Variants in MYO1H observed in about 807,000 individuals in gnomAD.
MYO1H encodes the protein unconventional myosin-Ih.
In MYO1H, 118 loss-of-function variants were observed where a neutral mutation model predicts 149.3. That is an observed-to-expected ratio of 0.79 (90% CI 0.68 to 0.92). The LOEUF (loss-of-function observed/expected upper bound fraction) is 0.92, where lower values mean the gene tolerates loss of function less well. Ranked by LOEUF, MYO1H falls within the 40% of genes least tolerant of loss-of-function variation. The probability of loss-of-function intolerance (pLI) is 0.00; values close to 1 mark genes in which losing one functional copy is unlikely to be tolerated. For synonymous variants in MYO1H, 447 were observed against 465.2 expected, an observed-to-expected ratio of 0.96 and a Z score of 0.50; for missense variants, 1,212 against 1,280.7, an observed-to-expected ratio of 0.95 and a Z score of 0.82.
intron 1 of MYO1H, among the ~76,000 whole-genome samples, chr12:109,367,029 C>A (rs1162983203): frequency 2.0e-4 from 30 of 152,198 alleles, no homozygotes; most frequent in Admixed American, 2.0e-3. Context: ...TCATGTATTT[C>A]TTGTCCCAAG....
intron 16 of MYO1H, among the ~76,000 whole-genome samples, chr12:109,421,694 C>A (rs1378843074): frequency 1.3e-5 from 2 of 152,104 alleles, no homozygotes; most frequent in African/African-American, 2.4e-5. Context: ...GAGACCCAGA[C>A]AGGTCACAGC....
At chr12:109,379,384 G>A (rs919790824) in intron 1 of MYO1H, among the ~76,000 whole-genome samples, 4 of 152,144 alleles carry the variant, frequency 2.6e-5, no homozygotes, top group East Asian at 3.9e-4. Context: ...TGGGTGCAAC[G>A]GTCTACATGT....
At position 109,414,742 on chromosome 12, in the gene MYO1H, C is replaced by T. The variant is rs1213822663; in HGVS notation, c.1503-784C>T. Among the ~76,000 whole-genome samples the T allele has an allele frequency of 2.0e-5, 3 of 152,198 alleles. No individual in the cohort carries two copies. In the East Asian group the frequency reaches 5.8e-4, roughly 29 times the overall value. On this transcript the variant is annotated intron_variant, in intron 14 of 31. Transcript: ENST00000310903. ...TTATTTTTTGAGACAAGGTCTCACT[C>T]TGTTGCACAGGCTGGAGTCTAGTGG...
rs1756742233 is a variant in MYO1H, at chr12:109,401,257, T to A, written c.735T>A (p.Tyr245Ter). ...GACTCGAGCGAGACCCCCAGCTGTATAAATACCTCTCACAGGTGGGAAGGA... is the reference window on the plus strand; with the variant it reads ...GACTCGAGCGAGACCCCCAGCTGTAAAAATACCTCTCACAGGTGGGAAGGA... The change falls in exon 6 of 32, where the codon TAT becomes TAA. Residue 245 changes from tyrosine to a stop codon, truncating the protein, a stop_gained. Transcript: ENST00000310903. LOFTEE classifies it high-confidence loss of function. 6.2e-7 allele frequency: 1 copy of A among 1,611,684 alleles called. No homozygotes were observed. The highest frequency in any genetic ancestry group is 8.5e-7 in the Non-Finnish European group (1 of 1,178,916).
intron 1 of MYO1H, among the ~76,000 whole-genome samples, chr12:109,370,103 G>A (rs903950360): frequency 1.2e-4 from 19 of 152,124 alleles, no homozygotes; most frequent in African/African-American, 4.6e-4. Context: ...TGACACATGG[G>A]AATTGTGGGA....
chr12:109,427,524 G>C, exon 19 of MYO1H: 2 of 1,613,086 alleles, frequency 1.2e-6, no homozygotes, highest in Non-Finnish European at 1.7e-6. Flanking sequence ...GGCTGATGGA[G>C]CACCTGCGGG....
intron 1 of MYO1H, among the ~76,000 whole-genome samples, chr12:109,367,021 A>C (rs112343815): frequency 6.5e-4 from 99 of 152,332 alleles, no homozygotes; most frequent in African/African-American, 2.1e-3. Context: ...TCAAAATCTC[A>C]TGTATTTCTT....
intron 19 of MYO1H, 67 bp downstream of exon 19, chr12:109,427,653 T>C: frequency 8.7e-7 from 1 of 1,143,730 alleles, no homozygotes; most frequent in Non-Finnish European, 1.3e-6. Flanking sequence ...CTCTGGGGTT[T>C]AGTGGTAAAT....
chr12:109,439,701 C>CG lies in MYO1H; in HGVS notation c.2367dup (p.Lys790GlufsTer53), dbSNP rs1432997335. 2 of 1,613,506 alleles carry CG rather than the reference C, an allele frequency of 1.2e-6. No individual in the cohort carries two copies. The highest frequency in any genetic ancestry group is 1.7e-6 in the Non-Finnish European group (2 of 1,179,734). On this transcript the variant is annotated frameshift_variant, in exon 24 of 32. Transcript: ENST00000310903. LOFTEE classifies it high-confidence loss of function. ...CAACGAGGAATTTATCGTGTTTGTGCGGAAGAATTACATCTTGAATCTCCG... is the reference window on the plus strand; with the variant it reads ...CAACGAGGAATTTATCGTGTTTGTGCGGGAAGAATTACATCTTGAATCTCCG...
intron 1 of MYO1H, among the ~76,000 whole-genome samples, chr12:109,384,274 C>T: frequency 6.6e-6 from 1 of 152,192 alleles, no homozygotes; most frequent in East Asian, 1.9e-4. Context: ...ATCCCTGCAC[C>T]ATGGTTATGC....
At chr12:109,353,721 G>A (rs548713038) in intron 1 of MYO1H, among the ~76,000 whole-genome samples, 4 of 152,138 alleles carry the variant, frequency 2.6e-5, no homozygotes, top group African/African-American at 7.2e-5. Context: ...GCACCATCTC[G>A]GCTCACTGCA....
At chr12:109,443,009 A>AAAAAAAATAT (rs1371725807) in intron 27 of MYO1H, among the ~76,000 whole-genome samples, 1 of 58,492 alleles carries the variant, frequency 1.7e-5, no homozygotes, top group African/African-American at 1.1e-4. Context: ...AAAAAAAAAA[A>AAAAAAAATAT]ATATATATAT....
At chr12:109,342,108 C>T in the MYO1H span, among the ~76,000 whole-genome samples, 1 of 149,026 alleles carries the variant, frequency 6.7e-6, no homozygotes, top group Non-Finnish European at 1.5e-5. Flanking sequence ...TTCTGCCACA[C>T]TGCTTTAAAA....
chr12:109,371,213 CTTTTT>C (rs34350111), intron 1 of MYO1H, among the ~76,000 whole-genome samples: 43 of 118,340 alleles, frequency 3.6e-4, no homozygotes, highest in African/African-American at 8.2e-4. Flanking sequence ...TTTTTTCTTT[CTTTTT>C]TTTTTTTTTT....
chr12:109,382,394 A>G (rs1219675709), intron 1 of MYO1H, among the ~76,000 whole-genome samples: 4 of 152,202 alleles, frequency 2.6e-5, no homozygotes, highest in Non-Finnish European at 5.9e-5. Context: ...AAATTGCAAG[A>G]AAGAAATGGA....
the MYO1H span, among the ~76,000 whole-genome samples, chr12:109,334,740 T>C: frequency 6.6e-6 from 1 of 152,242 alleles, no homozygotes; most frequent in Non-Finnish European, 1.5e-5. Flanking sequence ...TTCTTCTGGC[T>C]TGTTATTTGT....
intron 1 of MYO1H, among the ~76,000 whole-genome samples, chr12:109,353,773 T>A (rs1868519806): frequency 1.3e-5 from 2 of 152,074 alleles, no homozygotes; most frequent in Non-Finnish European, 2.9e-5. Context: ...TGCCTCAGCC[T>A]CCTAAGTAGC....
chr12:109,402,497 G>A lies in MYO1H; in HGVS notation c.750+1225G>A, dbSNP rs186191356. Among the ~76,000 whole-genome samples the A allele has an allele frequency of 6.4e-4, 97 of 152,294 alleles. 1 individual carries two copies. The highest frequency in any genetic ancestry group is 3.1e-3 in the East Asian group (16 of 5,188). ...GAAAAATGAAGGCAGGCTGGGGCACGGTGGCTCACACCTGTATCCCAACAC... is the reference window on the plus strand; with the variant it reads ...GAAAAATGAAGGCAGGCTGGGGCACAGTGGCTCACACCTGTATCCCAACAC... On this transcript the variant is annotated intron_variant, in intron 6 of 31. Transcript: ENST00000310903.
At chr12:109,400,976 AAAG>A in intron 5 of MYO1H, 114 bp from the exon 6 acceptor site, 3 of 890,168 alleles carry the variant, frequency 3.4e-6, no homozygotes, top group Non-Finnish European at 5.0e-6. Flanking sequence ...CAAAAAAAAG[AAAG>A]AAGATTGATC....
Sources: gnomAD v4.1 joint callset for allele counts (sites outside exome capture counted in the v4.1 genomes callset) on GRCh38, gnomAD v4.1.1 for gene constraint, MANE v1.5 for transcripts, NCBI Gene and HGNC (gene_info 2026-07-23, HGNC 2026-07-21) for gene names.